The following FBN2 variants were observed in gnomAD, a reference collection of about 807,000 sequenced individuals.
FBN2 encodes the protein fibrillin 2.
Under a neutral mutation model 355.6 loss-of-function variants are expected in FBN2, and 105 were observed. The ratio of observed to expected loss-of-function variants is 0.30; its 90% CI spans 0.25 to 0.35. The LOEUF (loss-of-function observed/expected upper bound fraction) is 0.35. FBN2 is among the 10% of genes least tolerant of loss of function. FBN2 has a pLI of 1.00. For synonymous variants in FBN2, 1,350 were observed against 1,301.2 expected (o/e 1.04, Z -0.81); for missense variants, 3,280 against 3,758.7 (o/e 0.87, Z 3.33).
intron 11 of FBN2, among the ~76,000 whole-genome samples, 154 bp downstream of exon 11, chr5:128,391,864 G>C (rs1380304088): frequency 6.6e-6 from 1 of 151,972 alleles, no homozygotes; most frequent in African/African-American, 2.4e-5. Context: ...ATAGGTTAAG[G>C]GGGCACACTG....
chr5:128,533,957 A>G lies in FBN2; in HGVS notation c.337+2445T>C, dbSNP rs567291659. The stretch of plus-strand genomic sequence containing the variant: ...CAGTAATTTTTCTAGGCTACAACTA[A>G]GCACAATACCAACAAAACATAGAGA... On this transcript the variant is annotated intron_variant, in intron 2 of 64. Transcript: ENST00000262464. Among the ~76,000 whole-genome samples the G allele has an allele frequency of 2.0e-3, 302 of 152,238 alleles. 1 individual carries two copies. The highest frequency in any genetic ancestry group is 7.1e-3 in the African/African-American group (296 of 41,534).
chr5:128,479,299 T>C (rs886891399), intron 5 of FBN2, among the ~76,000 whole-genome samples: 1 of 152,220 alleles, frequency 6.6e-6, no homozygotes. Context: ...TTATAAGTGG[T>C]GATAAAAAGC....
At chr5:128,461,277 T>A (rs902150089) in intron 6 of FBN2, among the ~76,000 whole-genome samples, 11 of 152,114 alleles carry the variant, frequency 7.2e-5, no homozygotes, top group Admixed American at 7.2e-4. Context: ...GATCATCAGA[T>A]AAATGCAAAT....
intron 5 of FBN2, among the ~76,000 whole-genome samples, chr5:128,470,715 C>T (rs1042179820): frequency 6.6e-6 from 1 of 152,142 alleles, no homozygotes; most frequent in African/African-American, 2.4e-5. Context: ...TAGATGTCCC[C>T]ATGAGGCCCT....
intron 57 of FBN2, among the ~76,000 whole-genome samples, chr5:128,278,370 T>C (rs1161344662): frequency 6.6e-6 from 1 of 152,210 alleles, no homozygotes; most frequent in Middle Eastern, 3.2e-3. Context: ...TTGTGCTTCA[T>C]TTTCCTCATC....
chr5:128,347,512 G>A (rs1456900900), intron 23 of FBN2, among the ~76,000 whole-genome samples: 1 of 152,176 alleles, frequency 6.6e-6, no homozygotes, highest in Non-Finnish European at 1.5e-5. Flanking sequence ...ACTGCTCCCT[G>A]TTGTCGCGTC....
intron 15 of FBN2, among the ~76,000 whole-genome samples, chr5:128,371,415 CCTT>C (rs1561423213): frequency 2.0e-5 from 3 of 151,886 alleles, no homozygotes; most frequent in South Asian, 2.1e-4. Context: ...CCTTTTCTCT[CCTT>C]CTTTCTCTCT....
chr5:128,329,594 A>T (rs1393717363), intron 33 of FBN2, among the ~76,000 whole-genome samples: 1 of 152,216 alleles, frequency 6.6e-6, no homozygotes, highest in Admixed American at 6.5e-5. Context: ...CTGATTGCAG[A>T]TGTGTCTGAC....
chr5:128,523,744 C>T (rs1756495841), intron 4 of FBN2, among the ~76,000 whole-genome samples: 1 of 152,012 alleles, frequency 6.6e-6, no homozygotes, highest in Admixed American at 6.6e-5. Flanking sequence ...TCCACCAAAA[C>T]CCTCTCCTTG....
At chr5:128,429,415 A>C (rs543583059) in intron 7 of FBN2, among the ~76,000 whole-genome samples, 1 of 152,340 alleles carries the variant, frequency 6.6e-6, no homozygotes, top group South Asian at 2.1e-4. Context: ...ATCGGAAATG[A>C]AATTTTAATT....
At chr5:128,290,364 A>G (rs1749286718) in intron 50 of FBN2, among the ~76,000 whole-genome samples, 1 of 152,196 alleles carries the variant, frequency 6.6e-6, no homozygotes, top group Admixed American at 6.5e-5. Context: ...AATTTAATGT[A>G]ACATTCTGAG....
chr5:128,460,342 C>T (rs560713416), intron 6 of FBN2, among the ~76,000 whole-genome samples: 2 of 152,122 alleles, frequency 1.3e-5, no homozygotes, highest in South Asian at 2.1e-4. Context: ...AAACACTGCT[C>T]AAGGAAATAA....
At chr5:128,499,286 T>C (rs1204494879) in intron 5 of FBN2, among the ~76,000 whole-genome samples, 3 of 152,194 alleles carry the variant, frequency 2.0e-5, no homozygotes, top group African/African-American at 7.2e-5. Context: ...AATTGAATTA[T>C]TGGATAAAAT....
At chr5:128,351,827 A>G (rs896553763) in intron 20 of FBN2, among the ~76,000 whole-genome samples, 1 of 151,250 alleles carries the variant, frequency 6.6e-6, no homozygotes, top group African/African-American at 2.4e-5. Flanking sequence ...CAGCCTCCCA[A>G]AGTGTTAGGA....
chr5:128,288,621 A>C, intron 52 of FBN2, 64 bp from the exon 53 acceptor site: 1 of 1,579,786 alleles, frequency 6.3e-7, no homozygotes, highest in Middle Eastern at 1.7e-4. Flanking sequence ...ATGCCCAGGA[A>C]GACCCATGCT....
intron 5 of FBN2, among the ~76,000 whole-genome samples, chr5:128,479,968 CTCTCTCTCTATATA>C (rs1221473400): frequency 5.5e-4 from 16 of 29,234 alleles, no homozygotes; most frequent in African/African-American, 6.8e-4. Context: ...CTCTCTCTCT[CTCTCTCTCTATATA>C]TATATATATA....
chr5:128,277,730 G>A (rs1765430714), intron 58 of FBN2, 150 bp downstream of exon 58: 1 of 895,378 alleles, frequency 1.1e-6, no homozygotes, highest in Non-Finnish European at 1.8e-6. Flanking sequence ...GTGTGATTAA[G>A]AAGCACATTA....
At chr5:128,366,741 T>G (rs1037770447) in intron 16 of FBN2, among the ~76,000 whole-genome samples, 14 of 152,264 alleles carry the variant, frequency 9.2e-5, no homozygotes, top group African/African-American at 3.4e-4. Flanking sequence ...ATATTTAACT[T>G]TTTTTCCTCA....
intron 15 of FBN2, among the ~76,000 whole-genome samples, chr5:128,373,470 ACTT>A (rs1250670681): frequency 6.6e-6 from 1 of 152,132 alleles, no homozygotes; most frequent in African/African-American, 2.4e-5. Context: ...CAAATTCTCT[ACTT>A]CTTCTCCTCC....
Sources: allele counts gnomAD v4.1 joint callset (sites outside exome capture counted in the v4.1 genomes callset), GRCh38; gene constraint gnomAD v4.1.1; transcripts MANE v1.5; gene names NCBI Gene and HGNC (gene_info 2026-07-23, HGNC 2026-07-21).